The following ARHGEF3 variants were observed in gnomAD, a reference collection of about 807,000 sequenced individuals.
The protein encoded by ARHGEF3 is 59.8 kDA protein.
Under a neutral mutation model 63.2 loss-of-function variants are expected in ARHGEF3, and 28 were observed. The observed-to-expected ratio is 0.44, with a 90% CI of 0.33 to 0.61. The LOEUF (loss-of-function observed/expected upper bound fraction) is 0.61, where lower values mean the gene tolerates loss of function less well. Ranked by LOEUF, ARHGEF3 falls within the 20% of genes least tolerant of loss-of-function variation. ARHGEF3 has a pLI of 0.03. For synonymous variants in ARHGEF3, 266 were observed against 254.2 expected (o/e 1.05, Z -0.44); for missense variants, 533 against 659.3 (o/e 0.81, Z 2.10).
At chr3:56,928,883 A>C (rs1403914363) in intron 3 of ARHGEF3, among the ~76,000 whole-genome samples, 1 of 152,218 alleles carries the variant, frequency 6.6e-6, no homozygotes, top group Non-Finnish European at 1.5e-5. Context: ...CAGGAAATGC[A>C]TTACATAACA....
chr3:57,056,977 C>T (rs1704969410), intron 1 of ARHGEF3, among the ~76,000 whole-genome samples: 1 of 151,904 alleles, frequency 6.6e-6, no homozygotes. Flanking sequence ...CTGCCCCCTT[C>T]CATCTTTTCC....
intron 4 of ARHGEF3, among the ~76,000 whole-genome samples, chr3:56,832,388 A>G (rs1226111622): frequency 6.6e-6 from 1 of 152,200 alleles, no homozygotes; most frequent in Non-Finnish European, 1.5e-5. Context: ...TAACCAGGAA[A>G]CACAGATTCA....
chr3:56,900,755 C>T (rs1235415206), intron 3 of ARHGEF3, among the ~76,000 whole-genome samples: 2 of 152,184 alleles, frequency 1.3e-5, no homozygotes, highest in African/African-American at 4.8e-5. Flanking sequence ...TCGGAAGTTA[C>T]CAGATCACAA....
chr3:56,806,444 G>A (rs529969201), upstream of ARHGEF3, among the ~76,000 whole-genome samples: 3 of 152,316 alleles, frequency 2.0e-5, no homozygotes, highest in East Asian at 1.9e-4. Context: ...TCAAAGAAAC[G>A]GCACAAAGTG....
intron 1 of ARHGEF3, among the ~76,000 whole-genome samples, chr3:56,796,980 T>C (rs1247963593): frequency 6.6e-6 from 1 of 152,242 alleles, no homozygotes; most frequent in African/African-American, 2.4e-5. Context: ...TTAAAACCAT[T>C]TTAAGAATCT....
intron 2 of ARHGEF3, among the ~76,000 whole-genome samples, chr3:56,759,069 G>A (rs1221852078): frequency 4.6e-5 from 7 of 151,812 alleles, no homozygotes; most frequent in Non-Finnish European, 7.4e-5. Context: ...AAGTACAAAT[G>A]CCCTCATTTC....
intron 4 of ARHGEF3, among the ~76,000 whole-genome samples, chr3:56,842,758 C>G (rs1297350330): frequency 1.3e-5 from 2 of 152,170 alleles, no homozygotes. Context: ...CTAGGGTGGT[C>G]ATAGCTGATC....
intron 2 of ARHGEF3, among the ~76,000 whole-genome samples, chr3:57,022,658 G>C (rs1175337267): frequency 6.6e-6 from 1 of 151,864 alleles, no homozygotes; most frequent in Non-Finnish European, 1.5e-5. Context: ...ATTTTGCCTA[G>C]GCTCAACCAT....
chr3:57,042,652 AT>A (rs1704237079), intron 1 of ARHGEF3, among the ~76,000 whole-genome samples: 4 of 7,860 alleles, frequency 5.1e-4, no homozygotes, highest in Non-Finnish European at 8.3e-4. Context: ...ATGTACATAA[AT>A]ATATATATAT....
rs372193175 is a variant in ARHGEF3, at chr3:57,068,460, C to T, written c.-28+10766G>A. Among the ~76,000 whole-genome samples, 7 of 152,204 alleles carry T rather than the reference C, an allele frequency of 4.6e-5. No homozygotes were observed. The East Asian group carries it at 5.8e-4, about 13-fold the overall frequency. ...CCCTAAATTAACTTGCCAATTCTCT[C>T]GCCTCAAAAGGACTCAGGCAATCAT... On this transcript the variant is annotated intron_variant, in intron 1 of 12. Transcript: ENST00000338458.
chr3:56,942,518 C>G (rs887017065), intron 3 of ARHGEF3, among the ~76,000 whole-genome samples: 2 of 152,154 alleles, frequency 1.3e-5, no homozygotes, highest in African/African-American at 2.4e-5. Context: ...ATCTCTCTCC[C>G]TCTCCTCAGG....
At chr3:57,070,426 A>C (rs375976022) in intron 1 of ARHGEF3, among the ~76,000 whole-genome samples, 1 of 152,332 alleles carries the variant, frequency 6.6e-6, no homozygotes, top group East Asian at 1.9e-4. Flanking sequence ...GTGCAGTTTG[A>C]TGGATGGGTC....
intron 2 of ARHGEF3, among the ~76,000 whole-genome samples, chr3:56,990,511 G>A (rs1417806490): frequency 6.6e-6 from 1 of 152,188 alleles, no homozygotes; most frequent in African/African-American, 2.4e-5. Context: ...ACTTGAACCC[G>A]GGAGGCAGAG....
chr3:56,819,864 C>G (rs1288361533), intron 4 of ARHGEF3, among the ~76,000 whole-genome samples: 3 of 151,054 alleles, frequency 2.0e-5, no homozygotes, highest in Non-Finnish European at 4.4e-5. Context: ...GGCTGGAGGT[C>G]AGTGGCACAG....
intron 4 of ARHGEF3, among the ~76,000 whole-genome samples, chr3:56,808,673 A>G (rs1336600245): frequency 1.3e-5 from 2 of 152,198 alleles, no homozygotes; most frequent in East Asian, 3.9e-4. Context: ...AAATAATAAT[A>G]TTGAAGTGTT....
At chr3:56,802,034 CA>C, upstream of ARHGEF3, 1 of 1,391,850 alleles carries the variant, frequency 7.2e-7, no homozygotes, top group Non-Finnish European at 9.3e-7. Flanking sequence ...GGCACCGCCC[CA>C]CGCTGCCGGG....
chr3:56,996,887 A>ATTTTTTT (rs199994465), intron 2 of ARHGEF3, among the ~76,000 whole-genome samples: 4 of 102,574 alleles, frequency 3.9e-5, no homozygotes, highest in East Asian at 2.5e-4. Flanking sequence ...TATTATTATT[A>ATTTTTTT]TTATTTTTTT....
intron 6 of ARHGEF3, among the ~76,000 whole-genome samples, chr3:56,749,102 A>T (rs1456053275): frequency 6.6e-6 from 1 of 152,210 alleles, no homozygotes; most frequent in African/African-American, 2.4e-5. Flanking sequence ...TTAAAAGAGG[A>T]AAAACATTTA....
chr3:56,983,051 C>A (rs535676899), intron 2 of ARHGEF3, among the ~76,000 whole-genome samples: 2 of 141,726 alleles, frequency 1.4e-5, no homozygotes, highest in East Asian at 3.9e-4. Context: ...AACAAGTAAG[C>A]AATAAAAAAA....
Sources: allele counts gnomAD v4.1 joint callset (sites outside exome capture counted in the v4.1 genomes callset), GRCh38; gene constraint gnomAD v4.1.1; transcripts MANE v1.5; gene names NCBI Gene and HGNC (gene_info 2026-07-23, HGNC 2026-07-21).